Variants in MYLK observed in about 807,000 individuals in gnomAD.
MYLK encodes myosin light chain kinase, smooth muscle.
Under a neutral mutation model 203.4 loss-of-function variants are expected in MYLK, and 106 were observed. The ratio of observed to expected loss-of-function variants is 0.52; its 90% CI spans 0.45 to 0.61. The LOEUF is 0.61. Among genes scored for constraint, MYLK ranks in the 20% least tolerant of loss-of-function variants. The pLI is 0.00. For missense variants in MYLK, 2,072 were observed against 2,442.3 expected (o/e 0.85, Z 3.20); for synonymous variants, 867 against 959.5 (o/e 0.90, Z 1.78).
At chr3:123,656,817 G>T (rs925058643) in intron 24 of MYLK, among the ~76,000 whole-genome samples, 1 of 152,244 alleles carries the variant, frequency 6.6e-6, no homozygotes, top group Non-Finnish European at 1.5e-5. Context: ...GAGAAGAGAA[G>T]GGGTGGAGGG....
chr3:123,793,846 T>G lies in MYLK; in HGVS notation c.-3-2A>C, dbSNP rs2064883621. 6.2e-7 allele frequency: 1 copy of G among 1,614,018 alleles called. No homozygotes were observed. The highest frequency in any genetic ancestry group is 1.7e-5 in the Admixed American group (1 of 60,012). On this transcript the variant is annotated splice_acceptor_variant, in intron 3 of 33. Transcript: ENST00000360304. LOFTEE classifies it low-confidence loss of function (5UTR_SPLICE). ...AACCAGCTTCACATCCCCCATGGTC[T>G]GCAAAAAGGAAGGAAGAGGACAAGG... is the stretch of plus-strand genomic sequence containing the variant.
At chr3:123,652,902 T>C (rs1344302425) in intron 24 of MYLK, among the ~76,000 whole-genome samples, 4 of 152,156 alleles carry the variant, frequency 2.6e-5, no homozygotes, top group Admixed American at 2.6e-4. Flanking sequence ...GAGAAGCCAC[T>C]GGAGCTCCAC....
intron 3 of MYLK, among the ~76,000 whole-genome samples, chr3:123,831,018 T>A (rs1305454802): frequency 1.3e-5 from 2 of 152,200 alleles, no homozygotes; most frequent in Non-Finnish European, 2.9e-5. Flanking sequence ...ATGGATAGTG[T>A]TCTGGCAGCT....
At position 123,752,339 on chromosome 3, in the gene MYLK, G is replaced by A. The variant is rs769125855; in HGVS notation, c.365C>T (p.Thr122Ile). ...GGCCTCCTGGGACTCACCTTCTACT[G>A]TCAACTCCACTGTCACCTGGCGAGC... Reference protein sequence around the residue: ...SGARQVTVELTVEGSFAKQLG... With the variant: ...SGARQVTVELIVEGSFAKQLG... The change falls in exon 5 of 34, where the codon ACA becomes ATA. Residue 122 changes from threonine to isoleucine, a missense_variant. By Grantham distance (89) the Thr-to-Ile change is moderately conservative. Coordinates refer to ENST00000360304, the MANE Select transcript of MYLK (RefSeq NM_053025.4). 1 of 1,613,994 alleles carries A rather than the reference G, an allele frequency of 6.2e-7. No homozygotes were observed. Among genetic ancestry groups the A allele is most frequent in the Admixed American group, 1.7e-5 (1 of 60,014 alleles).
intron 3 of MYLK, among the ~76,000 whole-genome samples, chr3:123,796,647 T>C (rs1459639511): frequency 6.6e-6 from 1 of 152,216 alleles, no homozygotes; most frequent in Non-Finnish European, 1.5e-5. Context: ...ACAGAGGATG[T>C]ACCACTGAAC....
chr3:123,874,755 G>A (rs760237699), intron 2 of MYLK, among the ~76,000 whole-genome samples: 13 of 152,068 alleles, frequency 8.5e-5, no homozygotes, highest in Non-Finnish European at 1.6e-4. Flanking sequence ...AAAGATTAAT[G>A]TCCAGAATAT....
intron 9 of MYLK, chr3:123,734,430 G>T: frequency 1.9e-6 from 1 of 530,712 alleles, no homozygotes. Context: ...ACACTTGCCT[G>T]TCCCACAACC....
intron 4 of MYLK, among the ~76,000 whole-genome samples, chr3:123,763,131 A>G (rs974846368): frequency 1.3e-5 from 2 of 152,216 alleles, no homozygotes; most frequent in Admixed American, 1.3e-4. Flanking sequence ...TACAATAAAT[A>G]TCTTGAACTT....
intron 31 of MYLK, among the ~76,000 whole-genome samples, chr3:123,625,572 GC>G (rs1228570842): frequency 6.6e-6 from 1 of 152,112 alleles, no homozygotes; most frequent in East Asian, 1.9e-4. Context: ...ACTTTGGGAG[GC>G]CGAGGCGGGT....
chr3:123,805,321 C>T (rs1375575772), intron 3 of MYLK, among the ~76,000 whole-genome samples: 1 of 152,180 alleles, frequency 6.6e-6, no homozygotes, highest in East Asian at 1.9e-4. Context: ...CAAAGCCTGG[C>T]AAACGGTATT....
intron 3 of MYLK, among the ~76,000 whole-genome samples, chr3:123,809,890 T>C (rs566543112): frequency 1.3e-5 from 2 of 152,284 alleles, no homozygotes; most frequent in South Asian, 2.1e-4. Context: ...GCGGTTCTTA[T>C]ACATAGGAAT....
intron 24 of MYLK, among the ~76,000 whole-genome samples, chr3:123,654,108 C>T (rs752112503): frequency 4.0e-5 from 6 of 151,510 alleles, no homozygotes; most frequent in Non-Finnish European, 8.8e-5. Context: ...GGGATCCCTG[C>T]GAAAGCTGTC....
intron 22 of MYLK, 144 bp downstream of exon 22, chr3:123,666,075 G>T (rs1270467582): frequency 1.3e-5 from 17 of 1,281,306 alleles, no homozygotes; most frequent in Non-Finnish European, 1.8e-5. Context: ...GCAGGTGAGC[G>T]ATGGGTAGGG....
chr3:123,780,713 C>G (rs2064263396), intron 4 of MYLK, among the ~76,000 whole-genome samples: 1 of 152,178 alleles, frequency 6.6e-6, no homozygotes, highest in African/African-American at 2.4e-5. Flanking sequence ...TTTGGCATCA[C>G]GGGCTGACTG....
intron 2 of MYLK, among the ~76,000 whole-genome samples, chr3:123,854,213 C>T (rs529172329): frequency 1.3e-5 from 2 of 150,936 alleles, no homozygotes; most frequent in African/African-American, 4.9e-5. Context: ...ATTGCCCAAC[C>T]AACCCAAAGA....
intron 2 of MYLK, among the ~76,000 whole-genome samples, chr3:123,858,742 C>T (rs2031636302): frequency 6.6e-6 from 1 of 152,144 alleles, no homozygotes; most frequent in African/African-American, 2.4e-5. Context: ...GACCTAATCA[C>T]CCCCACCAAA....
chr3:123,688,264 C>T (rs1476592119), intron 19 of MYLK, among the ~76,000 whole-genome samples: 1 of 152,162 alleles, frequency 6.6e-6, no homozygotes, highest in Non-Finnish European at 1.5e-5. Context: ...AAACACCTGC[C>T]TATGTGACAG....
At chr3:123,690,509 A>G (rs539447190) in intron 19 of MYLK, among the ~76,000 whole-genome samples, 1 of 152,290 alleles carries the variant, frequency 6.6e-6, no homozygotes, top group Non-Finnish European at 1.5e-5. Flanking sequence ...TGAGGGCAGG[A>G]GATGTAGCCT....
chr3:123,701,200 A>G (rs1386936521), intron 17 of MYLK, among the ~76,000 whole-genome samples, 195 bp from the exon 18 acceptor site: 4 of 145,760 alleles, frequency 2.7e-5, no homozygotes, highest in Admixed American at 7.2e-5. Flanking sequence ...GGTTTATTAC[A>G]TCGGTAATGA....
Sources: gnomAD v4.1 joint callset for allele counts (sites outside exome capture counted in the v4.1 genomes callset) on GRCh38, gnomAD v4.1.1 for gene constraint, MANE v1.5 for transcripts, NCBI Gene and HGNC (gene_info 2026-07-23, HGNC 2026-07-21) for gene names.